Variants in SRC observed in about 807,000 individuals in gnomAD.
SRC encodes proto-oncogene tyrosine-protein kinase Src.
In SRC, 13 loss-of-function variants were observed where a neutral mutation model predicts 62.9. The observed-to-expected ratio is 0.21, with a 90% confidence interval of 0.13 to 0.33. SRC has a LOEUF of 0.33. Among genes scored for constraint, SRC ranks in the 10% least tolerant of loss-of-function variants. The probability of loss-of-function intolerance (pLI) is 1.00; values close to 1 mark genes in which losing one functional copy is unlikely to be tolerated. For synonymous variants in SRC, 302 were observed against 317.5 expected, an observed-to-expected ratio of 0.95 and a Z score of 0.52; for missense variants, 457 against 737.3, an observed-to-expected ratio of 0.62 and a Z score of 4.40.
Position 37,396,663 on chromosome 20 carries a change from G to C in SRC, c.703+352G>C. 1 of 314,398 alleles carries C rather than the reference G, an allele frequency of 3.2e-6. No homozygotes were observed. Among genetic ancestry groups the C allele is most frequent in the South Asian group, 4.3e-5 (1 of 23,368 alleles). 19.5% of individuals were successfully genotyped at this position (314,398 alleles called of 1,614,324 possible). On this transcript the variant is annotated intron_variant, in intron 8 of 13. Coordinates refer to ENST00000373578, the MANE Select transcript of SRC (RefSeq NM_198291.3). The surrounding 1 kb of genome is among the most constrained non-coding windows in gnomAD (Gnocchi z 6.1). ...GAGGCTGGTGTCATTTGTCTCTGTA[G>C]CCCTAGGACCGGTCTGAACCGGTTG...
intron 2 of SRC, among the ~76,000 whole-genome samples, chr20:37,380,189 C>G (rs1014765302): frequency 5.3e-5 from 8 of 152,112 alleles, no homozygotes; most frequent in African/African-American, 1.9e-4. Flanking sequence ...GGAGCTTTCT[C>G]AGGCTTTCTC....
chr20:37,349,586 T>G (rs1462889368), intron 1 of SRC, among the ~76,000 whole-genome samples: 1 of 152,202 alleles, frequency 6.6e-6, no homozygotes, highest in Non-Finnish European at 1.5e-5. Context: ...CTGGCACCGG[T>G]AGGTACTTGG....
At position 37,396,977 on chromosome 20, in the gene SRC, C is replaced by T. The variant is rs1033386996; in HGVS notation, c.703+666C>T. On this transcript the variant is annotated intron_variant, in intron 8 of 13. Transcript: ENST00000373578. This position sits in a 1 kb window ranked among gnomAD's most constrained non-coding sequence, Gnocchi z 6.1. ...CCTGACTTCCTCTGGGATCACCCGC[C>T]ACTCTCTGTCTCTTCGGCCACCGCT... 1.3e-5 allele frequency among the ~76,000 whole-genome samples: 2 copies of T among 152,146 alleles called. No homozygotes were observed. The highest frequency in any genetic ancestry group is 2.9e-5 in the Non-Finnish European group (2 of 68,028).
At position 37,402,518 on chromosome 20, in the gene SRC, C is replaced by A; in HGVS notation, c.1200C>A (p.Asn400Lys). The A allele has an allele frequency of 1.2e-6, 2 of 1,614,040 alleles. No individual in the cohort carries two copies. Among genetic ancestry groups the A allele is most frequent in the Non-Finnish European group, 1.7e-6 (2 of 1,180,006 alleles). ...LRAANILVGE[N>K]LVCKVADFGL... ...CAGCCAACATCCTGGTGGGAGAGAA[C>A]CTGGTGTGCAAAGTGGCGGACTTTG... is the stretch of plus-strand genomic sequence containing the variant. The change falls in exon 12 of 14, where the codon AAC becomes AAA. Residue 400 changes from asparagine (N) to lysine (K), a missense_variant. Around this residue, in one of 4 missense-constraint regions of SRC, gnomAD observed 168 missense variants for 357.8 expected, o/e 0.47. Transcript: ENST00000373578. The surrounding 1 kb of genome is among the most constrained non-coding windows in gnomAD (Gnocchi z 6.2).
intron 5 of SRC, among the ~76,000 whole-genome samples, chr20:37,388,938 A>G (rs577092269): frequency 6.6e-6 from 1 of 152,078 alleles, no homozygotes; most frequent in Admixed American, 6.5e-5. Flanking sequence ...AGGGCCTATT[A>G]CTGTGCAGTG....
At chr20:37,354,820 C>T (rs2069857030) in intron 1 of SRC, among the ~76,000 whole-genome samples, 1 of 152,224 alleles carries the variant, frequency 6.6e-6, no homozygotes, top group Admixed American at 6.5e-5. Flanking sequence ...CGGGTGGTGG[C>T]TTCTCTTTCT....
intron 1 of SRC, among the ~76,000 whole-genome samples, chr20:37,362,065 A>AT (rs895633199): frequency 9.2e-5 from 14 of 151,656 alleles, no homozygotes; most frequent in Admixed American, 4.6e-4. Context: ...GTCTTTATTT[A>AT]TTTTTTTGAG....
rs926770068 is a variant in SRC, at chr20:37,396,513, C to G, written c.703+202C>G. ...TCTTCCTCTTCTTTCCCCCAGCCCC[C>G]CTCCTCCCTGTCCCCCTCTCTCCCT... On this transcript the variant is annotated intron_variant, in intron 8 of 13. Coordinates refer to ENST00000373578, the MANE Select transcript of SRC (RefSeq NM_198291.3). This position sits in a 1 kb window ranked among gnomAD's most constrained non-coding sequence, Gnocchi z 6.1. The G allele has an allele frequency of 1.5e-6, 1 of 674,998 alleles. No individual in the cohort carries two copies. Among genetic ancestry groups the G allele is most frequent in the South Asian group, 1.9e-5 (1 of 52,016 alleles). 41.8% of individuals were successfully genotyped at this position (674,998 alleles called of 1,614,324 possible).
intron 1 of SRC, among the ~76,000 whole-genome samples, chr20:37,363,092 CA>C (rs2070001631): frequency 6.6e-6 from 1 of 152,182 alleles, no homozygotes; most frequent in African/African-American, 2.4e-5. Context: ...GGAAGGCCAC[CA>C]TGGTTTAGGT....
At chr20:37,346,762 C>T (rs920538920) in intron 1 of SRC, among the ~76,000 whole-genome samples, 4 of 152,166 alleles carry the variant, frequency 2.6e-5, no homozygotes, top group African/African-American at 9.7e-5. Context: ...CGTGGGGCCT[C>T]GGGTAGGGCC....
chr20:37,362,168 C>T (rs2069984130), intron 1 of SRC, among the ~76,000 whole-genome samples: 1 of 152,092 alleles, frequency 6.6e-6, no homozygotes, highest in Non-Finnish European at 1.5e-5. Flanking sequence ...AATCCTCCCA[C>T]CTCGGCTTCC....
chr20:37,391,956 G>A (rs1210569325), intron 5 of SRC, among the ~76,000 whole-genome samples: 2 of 152,146 alleles, frequency 1.3e-5, no homozygotes, highest in African/African-American at 4.8e-5. Context: ...CTTCATCTGG[G>A]GCCTGGAGCC....
At chr20:37,393,273 G>A (rs899367448) in intron 5 of SRC, among the ~76,000 whole-genome samples, 4 of 152,222 alleles carry the variant, frequency 2.6e-5, no homozygotes, top group African/African-American at 7.2e-5. Flanking sequence ...GTTTTCAGCC[G>A]AGGAGCCCTT....
At chr20:37,391,486 G>A (rs1033595218) in intron 5 of SRC, among the ~76,000 whole-genome samples, 1 of 152,210 alleles carries the variant, frequency 6.6e-6, no homozygotes, top group Admixed American at 6.5e-5. Context: ...GCTGTTTTCT[G>A]TGATTTGAGT....
At chr20:37,352,043 T>C (rs2069810887) in intron 1 of SRC, among the ~76,000 whole-genome samples, 1 of 152,176 alleles carries the variant, frequency 6.6e-6, no homozygotes, top group South Asian at 2.1e-4. Context: ...GCTTATGCCA[T>C]AAAGGGTAAT....
chr20:37,376,139 T>C (rs2070273510), intron 2 of SRC, among the ~76,000 whole-genome samples: 1 of 152,252 alleles, frequency 6.6e-6, no homozygotes, highest in Non-Finnish European at 1.5e-5. Flanking sequence ...GTTCTTTCCC[T>C]GTAAAGGGGC....
Position 37,403,973 on chromosome 20 carries a change from C to A in SRC, c.*594C>A, listed in dbSNP as rs2070784127. 1 of 237,738 alleles carries A rather than the reference C, an allele frequency of 4.2e-6. No individual in the cohort carries two copies. Among genetic ancestry groups the A allele is most frequent in the Non-Finnish European group, 8.3e-6 (1 of 120,238 alleles). The allele number at this position is 237,738 out of a possible 1,614,324, so 14.7% of individuals were successfully genotyped here. On this transcript the variant is annotated 3_prime_UTR_variant, in exon 14 of 14. Transcript: ENST00000373578. The surrounding 1 kb of genome is among the most constrained non-coding windows in gnomAD (Gnocchi z 7.1). ...GATGGTGGGTGGGTGGGATGAGTAC[C>A]CCCTCAAACCCTGCCCTCCTTAGAC...
chr20:37,381,274 T>C (rs73299317), intron 2 of SRC, among the ~76,000 whole-genome samples: 8,079 of 152,262 alleles, frequency 0.053, 514 homozygotes, highest in East Asian at 0.18. Flanking sequence ...TTCGTGTTTG[T>C]GAGTGCAGGG....
At chr20:37,386,427 C>G (rs1290844253) in intron 5 of SRC, 3 of 717,768 alleles carry the variant, frequency 4.2e-6, no homozygotes, top group South Asian at 3.0e-5. Flanking sequence ...CTCAGCTTCT[C>G]CCTCTCTCTG....
Sources: gnomAD v4.1 joint callset for allele counts (sites outside exome capture counted in the v4.1 genomes callset) on GRCh38, gnomAD v4.1.1 for gene constraint, gnomAD v4.1.1 regional missense constraint, Gnocchi (gnomAD v3.1) non-coding constraint, MANE v1.5 for transcripts, NCBI Gene and HGNC (gene_info 2026-07-23, HGNC 2026-07-21) for gene names.